Variants in PLCG1 observed in about 807,000 individuals in gnomAD.
The protein encoded by PLCG1 is phospholipase C gamma 1.
PLCG1 carries 71 observed loss-of-function variants against 177.8 expected under a neutral mutation model. The ratio of observed to expected loss-of-function variants is 0.40; its 90% CI spans 0.33 to 0.49. The LOEUF is 0.49. Ranked by LOEUF, PLCG1 falls within the 20% of genes least tolerant of loss-of-function variation. The pLI, the probability that PLCG1 is intolerant of heterozygous loss-of-function variation, is 0.72. For synonymous variants in PLCG1, 658 were observed against 647.9 expected, an observed-to-expected ratio of 1.02 and a Z score of -0.24; for missense variants, 1,281 against 1,709.0, an observed-to-expected ratio of 0.75 and a Z score of 4.42.
intron 1 of PLCG1, among the ~76,000 whole-genome samples, chr20:41,138,960 G>A (rs1600623923): frequency 1.3e-5 from 2 of 152,202 alleles, no homozygotes; most frequent in East Asian, 3.8e-4. Context: ...GCTTCTTGCA[G>A]GGACCCCCGG....
In PLCG1 at chr20:41,150,469, G is replaced by A. The variant is rs990241006; in HGVS notation, c.218-9137G>A. Among the ~76,000 whole-genome samples, 1 of 152,118 alleles carries A rather than the reference G, an allele frequency of 6.6e-6. No individual in the cohort carries two copies. Among genetic ancestry groups the A allele is most frequent in the African/African-American group, 2.4e-5 (1 of 41,416 alleles). On this transcript the variant is annotated intron_variant, in intron 1 of 31. Transcript: ENST00000685551. This position sits in a 1 kb window ranked among gnomAD's most constrained non-coding sequence, Gnocchi z 4.0. ...CCCAGTCTCTCTCCTGTAGCTAGGA[G>A]CCTGGCATACACAGGCCATCTAGAA...
intron 24 of PLCG1, 44 bp downstream of exon 24, chr20:41,170,313 G>T (rs546509472): frequency 1.2e-6 from 2 of 1,609,238 alleles, no homozygotes; most frequent in East Asian, 2.2e-5. Flanking sequence ...GTGTGGGCCC[G>T]TCAGGCAGCT....
Position 41,166,350 on chromosome 20 carries a change from A to T in PLCG1, c.1956A>T (p.Arg652=). 1 of 1,614,078 alleles carries T rather than the reference A, an allele frequency of 6.2e-7. No individual in the cohort carries two copies. The highest frequency in any genetic ancestry group is 1.1e-5 in the South Asian group (1 of 91,086). ...VPLRCNEFEM[R]LSEPVPQTNA... ...TGCGCTGTAATGAGTTTGAGATGCG[A>T]CTTTCAGAGCCTGTCCCACAGACCA... Residue 652 remains arginine, a synonymous_variant, in exon 17 of 32, where the codon CGA becomes CGT. Coordinates refer to ENST00000685551, the MANE Select transcript of PLCG1 (RefSeq NM_002660.3). The surrounding 1 kb of genome is among the most constrained non-coding windows in gnomAD (Gnocchi z 8.6).
Position 41,137,570 on chromosome 20 carries a change from C to A in PLCG1, c.-72C>A. 1 of 965,458 alleles carries A rather than the reference C, an allele frequency of 1.0e-6. No individual in the cohort carries two copies. The highest frequency in any genetic ancestry group is 1.7e-5 in the African/African-American group (1 of 58,298). The allele number at this position is 965,458 out of a possible 1,614,324, so 59.8% of individuals were successfully genotyped here. A position where few individuals can be genotyped will look rare whatever the true frequency, so the allele number is the denominator to read the frequency against. On this transcript the variant is annotated 5_prime_UTR_variant, in exon 1 of 32. Coordinates refer to ENST00000685551, the MANE Select transcript of PLCG1 (RefSeq NM_002660.3). This position sits in a 1 kb window ranked among gnomAD's most constrained non-coding sequence, Gnocchi z 7.3. The stretch of plus-strand genomic sequence containing the variant: ...CTGCCGCCTCAGCCTCAGCCCCAAC[C>A]TCAGCCGCCGCCGTTGCGCTTGCTC...
In PLCG1 at chr20:41,148,015, A is replaced by G. The variant is rs1238987179; in HGVS notation, c.217+10157A>G. Among the ~76,000 whole-genome samples, 1 of 152,134 alleles carries G rather than the reference A, an allele frequency of 6.6e-6. No individual in the cohort carries two copies. The highest frequency in any genetic ancestry group is 6.5e-5 in the Admixed American group (1 of 15,272). ...GGCTTGGCTTGGGCTGGCATGGCGC[A>G]AAGGGAGTGCAGCCAGATGCTGTGG... On this transcript the variant is annotated intron_variant, in intron 1 of 31. Transcript: ENST00000685551. The surrounding 1 kb of genome is among the most constrained non-coding windows in gnomAD (Gnocchi z 4.3).
rs1011818635 is a variant in PLCG1, at chr20:41,151,932, G to A, written c.218-7674G>A. Among the ~76,000 whole-genome samples, 1 of 152,218 alleles carries A rather than the reference G, an allele frequency of 6.6e-6. No individual in the cohort carries two copies. The highest frequency in any genetic ancestry group is 1.9e-4 in the East Asian group (1 of 5,194). On this transcript the variant is annotated intron_variant, in intron 1 of 31. Transcript: ENST00000685551. This position sits in a 1 kb window ranked among gnomAD's most constrained non-coding sequence, Gnocchi z 5.5. ...TGTGAAGGGGGATCTGCAGTGCAGT[G>A]CCTGCCGTACCCCACAGGGAGTTGT...
intron 1 of PLCG1, among the ~76,000 whole-genome samples, chr20:41,145,696 C>A (rs1163005823): frequency 6.6e-6 from 1 of 151,948 alleles, no homozygotes; most frequent in Admixed American, 6.5e-5. Flanking sequence ...TGTTTTCAGC[C>A]CCTAGAGAGT....
In PLCG1 at chr20:41,160,208, C is replaced by G; in HGVS notation, c.512+55C>G. ...CAGGGTGGGGATGGGCATCCAGAAC[C>G]TTAGCCAGGCCTCTAAGTAGCTGCC... On this transcript the variant is annotated intron_variant, in intron 4 of 31. Transcript: ENST00000685551. This position sits in a 1 kb window ranked among gnomAD's most constrained non-coding sequence, Gnocchi z 5.5. 1 of 1,538,706 alleles carries G rather than the reference C, an allele frequency of 6.5e-7. No homozygotes were observed.
intron 1 of PLCG1, among the ~76,000 whole-genome samples, chr20:41,158,333 T>C (rs1285299727): frequency 6.6e-6 from 1 of 152,082 alleles, no homozygotes; most frequent in African/African-American, 2.4e-5. Context: ...ACCAGGCCAG[T>C]CTGGGTTTAG....
In PLCG1 at chr20:41,137,576, C is replaced by A. The variant is rs1285502024; in HGVS notation, c.-66C>A. On this transcript the variant is annotated 5_prime_UTR_variant, in exon 1 of 32. Transcript: ENST00000685551. The surrounding 1 kb of genome is among the most constrained non-coding windows in gnomAD (Gnocchi z 7.3). Reference sequence around the variant, plus strand: ...CCTCAGCCTCAGCCCCAACCTCAGCCGCCGCCGTTGCGCTTGCTCCCGGGC... The same window carrying A: ...CCTCAGCCTCAGCCCCAACCTCAGCAGCCGCCGTTGCGCTTGCTCCCGGGC... The A allele has an allele frequency of 2.0e-6, 2 of 1,009,570 alleles. No individual in the cohort carries two copies. Among genetic ancestry groups the A allele is most frequent in the Non-Finnish European group, 2.6e-6 (2 of 781,294 alleles). 62.5% of individuals were successfully genotyped at this position (1,009,570 alleles called of 1,614,324 possible).
intron 4 of PLCG1, among the ~76,000 whole-genome samples, chr20:41,161,154 C>A (rs2035482446): frequency 3.3e-5 from 5 of 152,102 alleles, no homozygotes; most frequent in Admixed American, 3.3e-4. Flanking sequence ...AGACCACCCC[C>A]ATATTAGAGA....
chr20:41,137,556 G>GCCTCAGCCCCAA lies in PLCG1; in HGVS notation c.-77_-66dup. ...CGGGTCCCGCTCGTCTGCCGCCTCA[G>GCCTCAGCCCCAA]CCTCAGCCCCAACCTCAGCCGCCGC... is the stretch of plus-strand genomic sequence containing the variant. On this transcript the variant is annotated 5_prime_UTR_variant, in exon 1 of 32. Coordinates refer to ENST00000685551, the MANE Select transcript of PLCG1 (RefSeq NM_002660.3). This position sits in a 1 kb window ranked among gnomAD's most constrained non-coding sequence, Gnocchi z 7.3. 1.3e-6 allele frequency: 1 copy of GCCTCAGCCCCAA among 748,058 alleles called. No homozygotes were observed. Among genetic ancestry groups the GCCTCAGCCCCAA allele is most frequent in the Admixed American group, 4.5e-5 (1 of 22,014 alleles). The allele number at this position is 748,058 out of a possible 1,614,324, so 46.3% of individuals were successfully genotyped here. A position where few individuals can be genotyped will look rare whatever the true frequency, so the allele number is the denominator to read the frequency against.
rs1236088851 is a variant in PLCG1, at chr20:41,157,678, G to A, written c.218-1928G>A. Among the ~76,000 whole-genome samples the A allele has an allele frequency of 6.6e-6, 1 of 152,236 alleles. No homozygotes were observed. Among genetic ancestry groups the A allele is most frequent in the Non-Finnish European group, 1.5e-5 (1 of 68,050 alleles). The stretch of plus-strand genomic sequence containing the variant: ...GAGCTTCTCAGTTGGGCCCTTGGTG[G>A]AAGAGAAGGGAGCCGGGGAGGTGGA... On this transcript the variant is annotated intron_variant, in intron 1 of 31. Coordinates refer to ENST00000685551, the MANE Select transcript of PLCG1 (RefSeq NM_002660.3). The surrounding 1 kb of genome is among the most constrained non-coding windows in gnomAD (Gnocchi z 5.4).
At position 41,137,580 on chromosome 20, in the gene PLCG1, G is replaced by T. The variant is rs1461540170; in HGVS notation, c.-62G>T. 9.6e-7 allele frequency: 1 copy of T among 1,045,976 alleles called. No homozygotes were observed. Among genetic ancestry groups the T allele is most frequent in the Non-Finnish European group, 1.2e-6 (1 of 812,620 alleles). The allele number at this position is 1,045,976 out of a possible 1,614,324, so 64.8% of individuals were successfully genotyped here. On this transcript the variant is annotated 5_prime_UTR_variant, in exon 1 of 32. Transcript: ENST00000685551. The surrounding 1 kb of genome is among the most constrained non-coding windows in gnomAD (Gnocchi z 7.3). ...AGCCTCAGCCCCAACCTCAGCCGCCGCCGTTGCGCTTGCTCCCGGGCGGTC... is the reference window on the plus strand; with the variant it reads ...AGCCTCAGCCCCAACCTCAGCCGCCTCCGTTGCGCTTGCTCCCGGGCGGTC...
chr20:41,162,211 G>GT lies in PLCG1; in HGVS notation c.513-233dup, dbSNP rs199840221. Among the ~76,000 whole-genome samples the GT allele has an allele frequency of 8.8e-3, 1,219 of 137,886 alleles. 10 individuals are homozygous for GT. The highest frequency in any genetic ancestry group is 0.015 in the Middle Eastern group (4 of 272). 90.5% of individuals were successfully genotyped at this position (137,886 alleles called of 152,430 possible). A position where few individuals can be genotyped will look rare whatever the true frequency, so the allele number is the denominator to read the frequency against. ...CACATCTTCCTTGCCAGAATTACAG[G>GT]TTTTTTTTGTTTGTTTTGTTTTTGT... On this transcript the variant is annotated intron_variant, in intron 4 of 31. Transcript: ENST00000685551.
chr20:41,166,737 G>C lies in PLCG1; in HGVS notation c.2179G>C (p.Gly727Arg). The part of the protein sequence containing the change: ...VQQEGQTVML[G>R]NSEFDSLVDL... ...GCAAGAGGGCCAGACAGTGATGCTA[G>C]GGAACTCGGAGTTCGACAGCCTTGT... The change falls in exon 19 of 32, where the codon GGG becomes CGG. Residue 727 changes from glycine (G) to arginine (R), a missense_variant. Transcript: ENST00000685551. The surrounding 1 kb of genome is among the most constrained non-coding windows in gnomAD (Gnocchi z 8.6). 6.2e-7 allele frequency: 1 copy of C among 1,614,146 alleles called. No homozygotes were observed. Among genetic ancestry groups the C allele is most frequent in the Non-Finnish European group, 8.5e-7 (1 of 1,180,006 alleles).
rs1475619304 is a variant in PLCG1 at position 41,177,502 on chromosome 20, A to G, written c.*2993A>G. 6.6e-6 allele frequency: 1 copy of G among 152,184 alleles called. No homozygotes were observed. Among genetic ancestry groups the G allele is most frequent in the Non-Finnish European group, 1.5e-5 (1 of 68,052 alleles). 9.4% of individuals were successfully genotyped at this position (152,184 alleles called of 1,614,324 possible). A position where few individuals can be genotyped will look rare whatever the true frequency, so the allele number is the denominator to read the frequency against. On this transcript the variant is annotated 3_prime_UTR_variant, in exon 32 of 32. Transcript: ENST00000685551. ...ACTTGTCTTTCAACTTGAGCCCATC[A>G]CTCACCATGTGAGTTCTGTTGAGGG...
Position 41,166,816 on chromosome 20 carries a change from G to A in PLCG1, c.2258G>A (p.Arg753His), listed in dbSNP as rs1568750835. Residue 753 changes from arginine to histidine, a missense_variant, in exon 19 of 32, where the codon CGC (arginine) becomes CAC (histidine). Coordinates refer to ENST00000685551, the MANE Select transcript of PLCG1 (RefSeq NM_002660.3). The surrounding 1 kb of genome is among the most constrained non-coding windows in gnomAD (Gnocchi z 8.6). The part of the protein sequence containing the change: ...KHPLYRKMKL[R>H]YPINEEALEK... Reference sequence around the variant, plus strand: ...CCGCTATACCGCAAGATGAAGCTGCGCTATCCCATCAACGAGGAGGCACTG... The same window carrying A: ...CCGCTATACCGCAAGATGAAGCTGCACTATCCCATCAACGAGGAGGCACTG... 2 of 1,614,138 alleles carry A rather than the reference G, an allele frequency of 1.2e-6. No individual in the cohort carries two copies. The highest frequency in any genetic ancestry group is 1.7e-6 in the Non-Finnish European group (2 of 1,180,026).
At position 41,137,714 on chromosome 20, in the gene PLCG1, C is replaced by T; in HGVS notation, c.73C>T (p.Leu25Phe). 5 of 1,312,858 alleles carry T rather than the reference C, an allele frequency of 3.8e-6. No homozygotes were observed. Among genetic ancestry groups the T allele is most frequent in the Non-Finnish European group, 4.9e-6 (5 of 1,025,936 alleles). The allele number at this position is 1,312,858 out of a possible 1,614,324, so 81.3% of individuals were successfully genotyped here. A position where few individuals can be genotyped will look rare whatever the true frequency, so the allele number is the denominator to read the frequency against. The change falls in exon 1 of 32, where the codon CTC becomes TTC. Residue 25 changes from leucine to phenylalanine, a missense_variant. By Grantham distance (22) the Leu-to-Phe change is conservative. Transcript: ENST00000685551. This position sits in a 1 kb window ranked among gnomAD's most constrained non-coding sequence, Gnocchi z 7.3. ...GAPSDAEVLH[L>F]CRSLEVGTVM... ...GCCCTCGGACGCCGAGGTGCTGCAC[C>T]TCTGCCGCAGCCTCGAGGTGGGCAC...
Sources: allele counts gnomAD v4.1 joint callset (sites outside exome capture counted in the v4.1 genomes callset), GRCh38; gene constraint gnomAD v4.1.1; non-coding constraint Gnocchi (gnomAD v3.1); transcripts MANE v1.5; gene names NCBI Gene and HGNC (gene_info 2026-07-23, HGNC 2026-07-21).